Variants in SOX6 observed in about 807,000 individuals in gnomAD.
The protein encoded by SOX6 is SRY-box transcription factor 6.
Under a neutral mutation model 97.8 loss-of-function variants are expected in SOX6, and 11 were observed. The ratio of observed to expected loss-of-function variants is 0.11; its 90% CI spans 0.07 to 0.19. The LOEUF (loss-of-function observed/expected upper bound fraction) is 0.19, where lower values mean the gene tolerates loss of function less well. SOX6 is among the 10% of genes least tolerant of loss of function. The pLI, the probability that SOX6 is intolerant of heterozygous loss-of-function variation, is 1.00. For synonymous variants in SOX6, 360 were observed against 371.4 expected (o/e 0.97, Z 0.35); for missense variants, 810 against 1,039.5 (o/e 0.78, Z 3.04).
intron 2 of SOX6, among the ~76,000 whole-genome samples, chr11:16,321,060 T>C (rs1184700251): frequency 6.6e-6 from 1 of 152,116 alleles, no homozygotes; most frequent in Non-Finnish European, 1.5e-5. Flanking sequence ...TCATGGCTAG[T>C]ATGTGGCTCC....
At chr11:16,476,134 T>C (rs2133120469) in intron 1 of SOX6, among the ~76,000 whole-genome samples, 1 of 152,324 alleles carries the variant, frequency 6.6e-6, no homozygotes, top group African/African-American at 2.4e-5. Flanking sequence ...TTGAGGCTTC[T>C]TTACCAGCTG....
chr11:16,012,702 G>T (rs1437175829), intron 13 of SOX6, among the ~76,000 whole-genome samples: 1 of 152,000 alleles, frequency 6.6e-6, no homozygotes, highest in African/African-American at 2.4e-5. Context: ...ATGGCAGGCT[G>T]CTGGGGAGAA....
chr11:16,563,155 T>C (rs1847834123), intron 4 of SOX6, among the ~76,000 whole-genome samples: 3 of 151,666 alleles, frequency 2.0e-5, no homozygotes, highest in Admixed American at 1.3e-4. Context: ...AATATATAAA[T>C]GAGCAATTAT....
chr11:16,115,808 C>T (rs1476090973), intron 6 of SOX6, among the ~76,000 whole-genome samples: 1 of 152,156 alleles, frequency 6.6e-6, no homozygotes, highest in African/African-American at 2.4e-5. Flanking sequence ...AAGTCTCCAG[C>T]TGAAAATAAT....
At chr11:16,017,157 A>T (rs1056000289) in intron 12 of SOX6, among the ~76,000 whole-genome samples, 2 of 152,088 alleles carry the variant, frequency 1.3e-5, no homozygotes, top group Non-Finnish European at 2.9e-5. Flanking sequence ...AATGAAGTGC[A>T]CTCACAATTC....
chr11:16,284,078 A>C (rs747223907), intron 3 of SOX6, among the ~76,000 whole-genome samples: 5 of 152,066 alleles, frequency 3.3e-5, no homozygotes, highest in Non-Finnish European at 7.4e-5. Flanking sequence ...TCAACCCTAA[A>C]ATGTTAACTC....
chr11:16,600,205 T>A (rs1590001672), intron 4 of SOX6, among the ~76,000 whole-genome samples: 2 of 152,348 alleles, frequency 1.3e-5, no homozygotes, highest in South Asian at 4.1e-4. Flanking sequence ...CAGCTTCAGA[T>A]ATATTGCCTT....
At chr11:16,336,778 T>C (rs935749964) in intron 2 of SOX6, among the ~76,000 whole-genome samples, 2 of 152,170 alleles carry the variant, frequency 1.3e-5, no homozygotes, top group African/African-American at 4.8e-5. Context: ...TACCATTCTC[T>C]GCCTCACCAG....
At chr11:16,072,146 GATC>G (rs1335272465) in intron 9 of SOX6, among the ~76,000 whole-genome samples, 1 of 152,072 alleles carries the variant, frequency 6.6e-6, no homozygotes, top group African/African-American at 2.4e-5. Flanking sequence ...TAGGAATGAA[GATC>G]ATCAACATTC....
intron 4 of SOX6, among the ~76,000 whole-genome samples, chr11:16,609,274 T>C (rs1293116967): frequency 6.6e-6 from 1 of 152,178 alleles, no homozygotes; most frequent in Non-Finnish European, 1.5e-5. Context: ...AGAAATAGAC[T>C]AGATTTGAGA....
At position 16,484,596 on chromosome 11, in the gene SOX6, G is replaced by A. The variant is rs773302133; in HGVS notation, n.610-8208C>T. The A allele has an allele frequency of 3.9e-5, 28 of 712,066 alleles. 1 individual carries two copies. The highest frequency in any genetic ancestry group is 3.0e-4 in the South Asian group (20 of 67,122). 44.1% of individuals were successfully genotyped at this position (712,066 alleles called of 1,614,324 possible). The stretch of plus-strand genomic sequence containing the variant: ...ACCTTCACAGCCTCAGTCACCTGGC[G>A]TGGAGGGGGCTTCCAGGTGCCCAGC... On this transcript the variant is annotated intron_variant and non_coding_transcript_variant, in intron 4 of 5. Transcript: ENST00000524520.
chr11:16,057,429 C>G (rs1847844958), intron 9 of SOX6, among the ~76,000 whole-genome samples: 1 of 152,100 alleles, frequency 6.6e-6, no homozygotes. Flanking sequence ...TTCTCAAACT[C>G]TGCATGAAAT....
chr11:16,244,745 A>C (rs907467179), intron 3 of SOX6, among the ~76,000 whole-genome samples: 4 of 151,172 alleles, frequency 2.6e-5, no homozygotes, highest in African/African-American at 9.7e-5. Context: ...GACTGTGTAT[A>C]GAGTGTGTAT....
chr11:16,689,806 A>C (rs996039925), intron 3 of SOX6, among the ~76,000 whole-genome samples: 2 of 152,176 alleles, frequency 1.3e-5, no homozygotes, highest in African/African-American at 2.4e-5. Flanking sequence ...AAATCATTAA[A>C]ATTTTAGAGA....
At chr11:16,207,931 G>A (rs1852118836) in intron 4 of SOX6, among the ~76,000 whole-genome samples, 1 of 152,006 alleles carries the variant, frequency 6.6e-6, no homozygotes, top group Admixed American at 6.6e-5. Flanking sequence ...CTTCTATATT[G>A]ATATTGTATA....
intron 3 of SOX6, among the ~76,000 whole-genome samples, chr11:16,296,681 A>G (rs1855100337): frequency 6.6e-6 from 1 of 152,130 alleles, no homozygotes; most frequent in South Asian, 2.1e-4. Flanking sequence ...AGATATCAAA[A>G]CACCAACTAA....
At chr11:16,003,157 C>T (rs1854450676) in intron 13 of SOX6, among the ~76,000 whole-genome samples, 1 of 152,040 alleles carries the variant, frequency 6.6e-6, no homozygotes, top group Non-Finnish European at 1.5e-5. Flanking sequence ...GTACAGATGG[C>T]TTTCCGTGAC....
intron 6 of SOX6, among the ~76,000 whole-genome samples, chr11:16,157,905 G>A (rs937847209): frequency 6.6e-6 from 1 of 151,828 alleles, no homozygotes; most frequent in Non-Finnish European, 1.5e-5. Context: ...TCACTTCTTT[G>A]AGCAAGCCTC....
chr11:16,437,905 T>C (rs1310200726), intron 1 of SOX6, among the ~76,000 whole-genome samples: 2 of 152,222 alleles, frequency 1.3e-5, no homozygotes, highest in Admixed American at 6.5e-5. Flanking sequence ...ATATGCTCAA[T>C]AAAAGTTGTT....
Sources: gnomAD v4.1 joint callset for allele counts (sites outside exome capture counted in the v4.1 genomes callset) on GRCh38, gnomAD v4.1.1 for gene constraint, MANE v1.5 for transcripts, NCBI Gene and HGNC (gene_info 2026-07-23, HGNC 2026-07-21) for gene names.